S100PBP: variants seen among roughly 807,000 people sequenced by gnomAD.
S100PBP encodes S100P binding protein.
S100PBP carries 15 observed loss-of-function variants against 39.9 expected under a neutral mutation model. That is an observed-to-expected ratio of 0.38 (90% CI 0.25 to 0.58). The LOEUF (loss-of-function observed/expected upper bound fraction) is 0.58, where lower values mean the gene tolerates loss of function less well. Among genes scored for constraint, S100PBP ranks in the 20% least tolerant of loss-of-function variants. S100PBP has a pLI of 0.70. For synonymous variants in S100PBP, 178 were observed against 180.3 expected (o/e 0.99, Z 0.10); for missense variants, 504 against 487.3 (o/e 1.03, Z -0.32).
At chr1:32,844,659 A>G (rs1182817751) in intron 5 of S100PBP, among the ~76,000 whole-genome samples, 2 of 151,446 alleles carry the variant, frequency 1.3e-5, no homozygotes, top group Admixed American at 6.6e-5. Context: ...TTTTGTAGAG[A>G]TGGTCTCCAG....
chr1:32,833,162 T>C (rs1232495569), intron 5 of S100PBP, among the ~76,000 whole-genome samples: 1 of 152,138 alleles, frequency 6.6e-6, no homozygotes, highest in East Asian at 1.9e-4. Context: ...CAAGTGACCG[T>C]TTAGCCTTTG....
At chr1:32,846,357 C>CT (rs771602415) in intron 5 of S100PBP, among the ~76,000 whole-genome samples, 1,405 of 136,468 alleles carry the variant, frequency 0.01, 14 homozygotes, top group African/African-American at 0.03. Context: ...CTGGGTCTTG[C>CT]TTTTTTTTTT....
chr1:32,841,128 T>A (rs926310236), intron 5 of S100PBP, among the ~76,000 whole-genome samples: 1 of 151,448 alleles, frequency 6.6e-6, no homozygotes, highest in African/African-American at 2.4e-5. Flanking sequence ...GCCACTGCAC[T>A]TCAGCCTGGG....
rs369276651 is a variant in S100PBP at position 32,818,331 on chromosome 1, C to T, written c.-120+642C>T. On this transcript the variant is annotated intron_variant, in intron 1 of 6. Transcript: ENST00000373475. ...TTGCATTTGTGAGAGAGAGCCAAGG[C>T]AGTATCCTCCAAAGGTTGGGCCTGG... 2.8e-4 allele frequency among the ~76,000 whole-genome samples: 43 copies of T among 152,368 alleles called. No homozygotes were observed. The South Asian group carries it at 4.1e-3, about 15-fold the overall frequency.
chr1:32,855,642 A>T (rs1332139843), intron 6 of S100PBP, among the ~76,000 whole-genome samples: 2 of 152,070 alleles, frequency 1.3e-5, no homozygotes, highest in Admixed American at 1.3e-4. Context: ...ATTATTCTAC[A>T]TTAGTTTTCC....
chr1:32,829,967 T>G lies in S100PBP; in HGVS notation c.924T>G (p.Thr308=). The G allele has an allele frequency of 6.2e-7, 1 of 1,612,362 alleles. No individual in the cohort carries two copies. Among genetic ancestry groups the G allele is most frequent in the Non-Finnish European group, 8.5e-7 (1 of 1,178,514 alleles). Residue 308 remains threonine, a synonymous_variant, in exon 5 of 7, where the codon ACT becomes ACG. Transcript: ENST00000373475. ...TTTCTGGTTTGCTTTATTCAAGGAC[T>G]AATGTTCCGACGTTTTCACAGTCAA... The part of the protein sequence containing the change: ...VIPVLQTKTR[T]NVPTFSQSNL...
At chr1:32,837,346 C>A (rs193059141) in intron 5 of S100PBP, among the ~76,000 whole-genome samples, 4 of 147,654 alleles carry the variant, frequency 2.7e-5, no homozygotes, top group Admixed American at 2.7e-4. Context: ...AGTGCAGTGG[C>A]GTAATCTGAG....
intron 5 of S100PBP, chr1:32,847,323 A>G (rs1640423594): frequency 6.6e-6 from 1 of 152,076 alleles, no homozygotes; most frequent in Admixed American, 6.6e-5. Context: ...AAAACTTTTT[A>G]TTTTGAAAAA....
intron 5 of S100PBP, chr1:32,836,994 T>C (rs1390026908): frequency 6.6e-6 from 1 of 151,588 alleles, no homozygotes; most frequent in African/African-American, 2.4e-5. Context: ...ATCCCAGCAC[T>C]TTGGGAGGCT....
intron 2 of S100PBP, 73 bp from the exon 3 acceptor site, chr1:32,826,025 C>G: frequency 9.9e-7 from 1 of 1,008,396 alleles, no homozygotes; most frequent in Non-Finnish European, 1.5e-6. Context: ...AGAACATTAC[C>G]CACATATAGT....
chr1:32,835,546 C>T (rs1639778992), intron 5 of S100PBP: 1 of 152,124 alleles, frequency 6.6e-6, no homozygotes, highest in African/African-American at 2.4e-5. Flanking sequence ...TCTATACCTA[C>T]ACAACAGTTC....
At chr1:32,841,750 A>G (rs1328812105) in intron 5 of S100PBP, among the ~76,000 whole-genome samples, 1 of 151,372 alleles carries the variant, frequency 6.6e-6, no homozygotes, top group African/African-American at 2.4e-5. Flanking sequence ...AAAAAAAAAA[A>G]AAATTACGGA....
intron 5 of S100PBP, chr1:32,836,363 C>A: frequency 6.0e-6 from 1 of 167,828 alleles, no homozygotes; most frequent in Non-Finnish European, 1.2e-5. Flanking sequence ...AACTCCTGAG[C>A]TCAAGTGATC....
At chr1:32,854,722 G>A (rs1007735347) in intron 6 of S100PBP, among the ~76,000 whole-genome samples, 5 of 152,036 alleles carry the variant, frequency 3.3e-5, no homozygotes, top group Non-Finnish European at 7.3e-5. Flanking sequence ...TCCCATTCTC[G>A]TAATCCCCTA....
intron 5 of S100PBP, chr1:32,835,389 C>T (rs1557496192): frequency 6.6e-6 from 1 of 151,114 alleles, no homozygotes; most frequent in African/African-American, 2.4e-5. Flanking sequence ...TCCCATTAAT[C>T]TTTTTTTTTA....
At chr1:32,837,711 T>C (rs1639897461) in intron 5 of S100PBP, among the ~76,000 whole-genome samples, 1 of 151,996 alleles carries the variant, frequency 6.6e-6, no homozygotes, top group South Asian at 2.1e-4. Context: ...GCAGTTAGTT[T>C]GCATTTTCTA....
upstream of S100PBP, chr1:32,817,329 TCA>T: frequency 6.5e-7 from 1 of 1,549,774 alleles, no homozygotes; most frequent in Non-Finnish European, 8.9e-7. Context: ...CCGGGAACTG[TCA>T]CGCGAGTCCA....
intron 5 of S100PBP, among the ~76,000 whole-genome samples, chr1:32,848,301 C>T (rs3856140): frequency 0.66 from 100,855 of 151,740 alleles, 33,889 homozygotes; most frequent in East Asian, 0.81. Context: ...AGCGAAACTC[C>T]GTCTCAAAAA....
chr1:32,817,006 G>A, upstream of S100PBP: 1 of 742,568 alleles, frequency 1.3e-6, no homozygotes. Context: ...GATTTCTGGG[G>A]AACCCAGGGA....
Sources: gnomAD v4.1 joint callset for allele counts (sites outside exome capture counted in the v4.1 genomes callset) on GRCh38, gnomAD v4.1.1 for gene constraint, MANE v1.5 for transcripts, NCBI Gene and HGNC (gene_info 2026-07-23, HGNC 2026-07-21) for gene names.